XYLB: variants seen among roughly 807,000 people sequenced by gnomAD.
XYLB encodes xylulose kinase.
A neutral mutation model predicts 78.7 loss-of-function variants in XYLB; 62 were observed. The observed-to-expected ratio is 0.79, with a 90% CI of 0.64 to 0.97. The LOEUF (loss-of-function observed/expected upper bound fraction) is 0.97, where lower values mean the gene tolerates loss of function less well. Among genes scored for constraint, XYLB ranks in the 50% least tolerant of loss-of-function variants. The pLI, the probability that XYLB is intolerant of heterozygous loss-of-function variation, is 0.00. For missense variants in XYLB, 687 were observed against 676.8 expected, an observed-to-expected ratio of 1.02 and a Z score of -0.17; for synonymous variants, 245 against 247.4, an observed-to-expected ratio of 0.99 and a Z score of 0.09.
chr3:38,446,246 C>T, the XYLB span, among the ~76,000 whole-genome samples: 21 of 152,152 alleles, frequency 1.4e-4, no homozygotes, highest in African/African-American at 2.7e-4. Context: ...ATTTTACAAA[C>T]GTCTAGCTAG....
downstream of XYLB, among the ~76,000 whole-genome samples, chr3:38,416,045 C>A (rs945986218): frequency 6.6e-6 from 1 of 152,096 alleles, no homozygotes; most frequent in Non-Finnish European, 1.5e-5. Flanking sequence ...GAAACCACCC[C>A]CATGATCCAG....
chr3:38,383,275 C>T (rs1559599275), intron 15 of XYLB, among the ~76,000 whole-genome samples: 3 of 152,180 alleles, frequency 2.0e-5, no homozygotes, highest in Admixed American at 1.3e-4. Context: ...CTGAACCAAG[C>T]CAGTCTGGCT....
chr3:38,358,077 T>C (rs1372891880), intron 2 of XYLB, among the ~76,000 whole-genome samples: 1 of 151,384 alleles, frequency 6.6e-6, no homozygotes, highest in Non-Finnish European at 1.5e-5. Context: ...TTGCTATTTG[T>C]GCTTTGGTGC....
the XYLB span, among the ~76,000 whole-genome samples, chr3:38,444,663 A>C: frequency 2.0e-5 from 3 of 151,704 alleles, no homozygotes; most frequent in Non-Finnish European, 4.4e-5. Flanking sequence ...AAAATGAGTC[A>C]CCTCTTTATC....
chr3:38,363,837 C>T (rs911666689), intron 4 of XYLB, among the ~76,000 whole-genome samples: 2 of 152,190 alleles, frequency 1.3e-5, no homozygotes, highest in East Asian at 1.9e-4. Flanking sequence ...CTATCTCATT[C>T]AGTCCCTTGG....
intron 2 of XYLB, 22 bp from the exon 3 acceptor site, chr3:38,360,317 A>G (rs751901140): frequency 3.7e-6 from 6 of 1,611,684 alleles, no homozygotes; most frequent in South Asian, 1.1e-5. Context: ...GCTCTGGTCT[A>G]CATTCTCTGT....
chr3:38,404,818 C>A (rs13089394), intron 18 of XYLB, among the ~76,000 whole-genome samples: 63,317 of 151,930 alleles, frequency 0.42, 15,621 homozygotes, highest in Non-Finnish European at 0.56. Context: ...CAGAGTGAGA[C>A]CCTGTCTCAA....
At chr3:38,356,662 A>G (rs1255879092) in intron 2 of XYLB, 1 of 152,254 alleles carries the variant, frequency 6.6e-6, no homozygotes, top group African/African-American at 2.4e-5. Context: ...AAGTTCATCC[A>G]TGTCATAGCG....
At chr3:38,448,526 A>C in the XYLB span, among the ~76,000 whole-genome samples, 1 of 152,174 alleles carries the variant, frequency 6.6e-6, no homozygotes, top group Admixed American at 6.5e-5. Flanking sequence ...ATCTGTTCCT[A>C]TTGAATGATT....
chr3:38,405,563 A>T (rs1415273711), intron 18 of XYLB, among the ~76,000 whole-genome samples: 1 of 152,204 alleles, frequency 6.6e-6, no homozygotes, highest in East Asian at 1.9e-4. Context: ...ACCGTGCGCA[A>T]GCCGAAGCAG....
chr3:38,409,383 A>T (rs562744942), intron 18 of XYLB, among the ~76,000 whole-genome samples: 1 of 152,356 alleles, frequency 6.6e-6, no homozygotes, highest in African/African-American at 2.4e-5. Flanking sequence ...GATGGGACAT[A>T]TCTCAAAATA....
At chr3:38,353,344 T>C (rs1330145509) in intron 2 of XYLB, among the ~76,000 whole-genome samples, 1 of 152,196 alleles carries the variant, frequency 6.6e-6, no homozygotes, top group Non-Finnish European at 1.5e-5. Context: ...GAGCTGGCTG[T>C]CACCCAAGCT....
chr3:38,411,815 A>T (rs1286069615), intron 18 of XYLB, among the ~76,000 whole-genome samples: 1 of 152,086 alleles, frequency 6.6e-6, no homozygotes, highest in Admixed American at 6.6e-5. Context: ...CTGAACTGAG[A>T]AAACCATAAC....
chr3:38,354,664 G>C (rs961987278), intron 2 of XYLB, among the ~76,000 whole-genome samples: 16 of 151,894 alleles, frequency 1.1e-4, no homozygotes, highest in African/African-American at 3.9e-4. Flanking sequence ...CACTACACTT[G>C]GCTAATTTTT....
chr3:38,449,782 T>C, the XYLB span, among the ~76,000 whole-genome samples: 4 of 152,202 alleles, frequency 2.6e-5, no homozygotes, highest in Non-Finnish European at 5.9e-5. Context: ...CTCCAATGGA[T>C]ATGTATCACG....
intron 18 of XYLB, among the ~76,000 whole-genome samples, chr3:38,410,634 A>G (rs1466157765): frequency 6.6e-6 from 1 of 152,232 alleles, no homozygotes. Flanking sequence ...CAATCTACTC[A>G]TCTGACAAAG....
rs1167902523 is a variant in XYLB, at chr3:38,376,985, C to G, written c.1188C>G (p.Asn396Lys). 6.2e-7 allele frequency: 1 copy of G among 1,613,624 alleles called. No homozygotes were observed. Among genetic ancestry groups the G allele is most frequent in the Non-Finnish European group, 8.5e-7 (1 of 1,179,714 alleles). Residue 396 changes from asparagine to lysine, a missense_variant, in exon 14 of 19, where the codon AAC (asparagine) becomes AAG (lysine). Asn to Lys is a moderately conservative substitution (Grantham distance 94). Transcript: ENST00000207870. ...IIGRHRFNTE[N>K]HKVAAFPGDV... is the part of the protein sequence containing the mutation. ...GACGTCATAGGTTTAACACAGAAAA[C>G]CACAAGGTACATGTGCTGTTGGTGT...
In XYLB at chr3:38,362,979, G is replaced by C; in HGVS notation, c.253G>C (p.Asp85His). ...ILEKMKASGF[D>H]FSQVLALSGA... ...GGAGAAGATGAAGGCTTCGGGCTTC[G>C]ACTTCTCTCAAGTCCTAGCCTTGTC... Residue 85 changes from aspartate (D) to histidine (H), a missense_variant, in exon 4 of 19, where the codon GAC (aspartate) becomes CAC (histidine). Transcript: ENST00000207870. The C allele has an allele frequency of 6.3e-7, 1 of 1,583,688 alleles. No individual in the cohort carries two copies. The highest frequency in any genetic ancestry group is 8.6e-7 in the Non-Finnish European group (1 of 1,164,618).
intron 18 of XYLB, among the ~76,000 whole-genome samples, chr3:38,410,156 A>T (rs940930849): frequency 1.3e-5 from 2 of 152,250 alleles, no homozygotes; most frequent in African/African-American, 4.8e-5. Context: ...ACAGTAATCA[A>T]AACAGCATGG....
Sources: allele counts gnomAD v4.1 joint callset (sites outside exome capture counted in the v4.1 genomes callset), GRCh38; gene constraint gnomAD v4.1.1; transcripts MANE v1.5; gene names NCBI Gene and HGNC (gene_info 2026-07-23, HGNC 2026-07-21).